CD96: variants seen among roughly 807,000 people sequenced by gnomAD.
CD96 encodes T-cell surface protein tactile.
A neutral mutation model predicts 71.3 loss-of-function variants in CD96; 70 were observed. The ratio of observed to expected loss-of-function variants is 0.98; its 90% CI spans 0.81 to 1.20. CD96 has a LOEUF of 1.20. CD96 is among the 50% of genes most tolerant of loss of function. The probability of loss-of-function intolerance (pLI) is 0.00; values close to 1 mark genes in which losing one functional copy is unlikely to be tolerated. For synonymous variants in CD96, 248 were observed against 233.0 expected, an observed-to-expected ratio of 1.06 and a Z score of -0.59; for missense variants, 742 against 677.5, an observed-to-expected ratio of 1.10 and a Z score of -1.06.
chr3:111,580,915 C>T (rs1462005458), intron 4 of CD96, among the ~76,000 whole-genome samples: 1 of 152,228 alleles, frequency 6.6e-6, no homozygotes, highest in African/African-American at 2.4e-5. Flanking sequence ...GGCAGCCATC[C>T]TCAATGTAGA....
At chr3:111,548,338 T>C (rs1934520667) in intron 2 of CD96, among the ~76,000 whole-genome samples, 1 of 152,192 alleles carries the variant, frequency 6.6e-6, no homozygotes, top group African/African-American at 2.4e-5. Context: ...AGGATTCTGT[T>C]CTCTTTTCAC....
At chr3:111,580,698 CTT>C (rs571118765) in intron 4 of CD96, among the ~76,000 whole-genome samples, 1 of 152,176 alleles carries the variant, frequency 6.6e-6, no homozygotes, top group South Asian at 2.1e-4. Flanking sequence ...TCCCCCTTCT[CTT>C]TCTCTTCATC....
Position 111,567,638 on chromosome 3 carries a change from A to C in CD96, c.534A>C (p.Ala178=), listed in dbSNP as rs759813586. The change falls in exon 3 of 14, where the codon GCA becomes GCC. Residue 178 remains alanine (A), a synonymous_variant. Transcript: ENST00000352690. The part of the protein sequence containing the change: ...SSKISSEFTY[A]WSVEDNGTQE... ...AAATTTCATCTGAGTTCACCTATGCATGGTCGGTGGTAAGTGTTGCCCTTT... is the reference window on the plus strand; with the variant it reads ...AAATTTCATCTGAGTTCACCTATGCCTGGTCGGTGGTAAGTGTTGCCCTTT... 6.2e-7 allele frequency: 1 copy of C among 1,613,382 alleles called. No individual in the cohort carries two copies. Among genetic ancestry groups the C allele is most frequent in the South Asian group, 1.1e-5 (1 of 91,062 alleles).
intron 12 of CD96, among the ~76,000 whole-genome samples, chr3:111,646,650 T>G (rs1248756432): frequency 1.3e-5 from 2 of 151,900 alleles, no homozygotes; most frequent in Non-Finnish European, 2.9e-5. Context: ...TGGAAAGCAG[T>G]TTGGCTATTG....
intron 10 of CD96, among the ~76,000 whole-genome samples, chr3:111,625,711 A>G (rs1938717742): frequency 6.6e-6 from 1 of 152,214 alleles, no homozygotes; most frequent in Non-Finnish European, 1.5e-5. Flanking sequence ...TGGAGTAGGG[A>G]AGGGCTTAAC....
intron 2 of CD96, among the ~76,000 whole-genome samples, chr3:111,563,303 C>T (rs1242417069): frequency 6.6e-6 from 1 of 152,184 alleles, no homozygotes; most frequent in East Asian, 1.9e-4. Context: ...GTTTTAGGCA[C>T]CTACGAAGTT....
intron 12 of CD96, among the ~76,000 whole-genome samples, chr3:111,639,627 T>C (rs1307901575): frequency 2.6e-5 from 4 of 152,168 alleles, no homozygotes; most frequent in African/African-American, 9.7e-5. Context: ...CAGACTACTA[T>C]AGCTGATGCT....
chr3:111,583,362 G>T (rs1253003472), intron 4 of CD96, among the ~76,000 whole-genome samples: 1 of 152,192 alleles, frequency 6.6e-6, no homozygotes, highest in African/African-American at 2.4e-5. Flanking sequence ...AGTGTCTGCA[G>T]CTTTTTCAGG....
In CD96 at chr3:111,647,423, A is replaced by G. The variant is rs1198581432; in HGVS notation, c.1478-120A>G. On this transcript the variant is annotated intron_variant, in intron 12 of 13. Coordinates refer to ENST00000352690, the MANE Select transcript of CD96 (RefSeq NM_005816.5). ...ACAAGGCTTAGACATGCCCACCTCC[A>G]GAGTATGATCACAGCCAATGTTGAA... The G allele has an allele frequency of 9.9e-6, 9 of 908,570 alleles. No homozygotes were observed. In the East Asian group the frequency reaches 2.3e-4, roughly 23 times the overall value. The allele number at this position is 908,570 out of a possible 1,614,324, so 56.3% of individuals were successfully genotyped here. A position where few individuals can be genotyped will look rare whatever the true frequency, so the allele number is the denominator to read the frequency against.
intron 3 of CD96, among the ~76,000 whole-genome samples, chr3:111,571,691 A>G (rs1935992346): frequency 6.6e-6 from 1 of 152,170 alleles, no homozygotes; most frequent in South Asian, 2.1e-4. Flanking sequence ...TTCAAAGGGA[A>G]CATGGTGTTG....
At position 111,579,160 on chromosome 3, in the gene CD96, G is replaced by A; in HGVS notation, c.677G>A (p.Gly226Glu). 1 of 1,609,868 alleles carries A rather than the reference G, an allele frequency of 6.2e-7. No individual in the cohort carries two copies. The highest frequency in any genetic ancestry group is 2.2e-5 in the East Asian group (1 of 44,852). ...TCTCCAGTCCAAATCTTCGATGATG[G>A]GCGGAAGTTCTCTTGCCACATTAGA... ...HLSPVQIFDD[G>E]RKFSCHIRVG... Residue 226 changes from glycine (G) to glutamate (E), a missense_variant, in exon 4 of 14, where the codon GGG (glycine) becomes GAG (glutamate). Transcript: ENST00000352690.
intron 4 of CD96, chr3:111,579,443 C>T: frequency 3.1e-6 from 2 of 637,854 alleles, no homozygotes; most frequent in Non-Finnish European, 5.8e-6. Context: ...AGAATAAAAT[C>T]ATACAGAAGC....
At chr3:111,583,047 G>A (rs1473032255) in intron 4 of CD96, among the ~76,000 whole-genome samples, 2 of 152,210 alleles carry the variant, frequency 1.3e-5, no homozygotes, top group Admixed American at 6.5e-5. Flanking sequence ...TTCTGCCTAT[G>A]AGCCTGTAAA....
chr3:111,664,087 G>T (rs186935626), intron 14 of CD96, among the ~76,000 whole-genome samples: 1 of 152,154 alleles, frequency 6.6e-6, no homozygotes, highest in African/African-American at 2.4e-5. Context: ...GTTAGTCACC[G>T]TGGAAAGCAG....
downstream of CD96, among the ~76,000 whole-genome samples, chr3:111,653,135 A>T (rs546736621): frequency 6.6e-6 from 1 of 152,268 alleles, no homozygotes; most frequent in African/African-American, 2.4e-5. Context: ...AAGTACTTCT[A>T]TGATTGGATT....
chr3:111,638,139 C>G lies in CD96; in HGVS notation c.1448C>G (p.Ser483Cys), dbSNP rs751787928. The G allele has an allele frequency of 1.1e-5, 18 of 1,607,348 alleles. No individual in the cohort carries two copies. The highest frequency in any genetic ancestry group is 1.4e-5 in the Non-Finnish European group (17 of 1,174,016). ...GAAGTCCCCACAACTGCCAATGGAT[C>G]TACGAAAACTAATCACGTCCATATC... is the stretch of plus-strand genomic sequence containing the variant. ...FSEVPTTANG[S>C]TKTNHVHITG... Residue 483 changes from serine (S) to cysteine (C), a missense_variant, in exon 12 of 14, where the codon TCT becomes TGT. Coordinates refer to ENST00000352690, the MANE Select transcript of CD96 (RefSeq NM_005816.5).
chr3:111,657,519 A>G lies in CD96; in HGVS notation c.*52+7661A>G, dbSNP rs112541299. Among the ~76,000 whole-genome samples the G allele has an allele frequency of 6.7e-3, 1,013 of 152,106 alleles. 19 individuals carry two copies. Among genetic ancestry groups the G allele is most frequent in the African/African-American group, 0.023 (958 of 41,518 alleles). On this transcript the variant is annotated intron_variant and NMD_transcript_variant, in intron 14 of 14. Coordinates refer to the CD96 transcript ENST00000494798. ...AGGGTGGGGTGGGGGTGGTGGGAAC[A>G]AGGTGAGAATTGTAAGCAAATCTGG...
At chr3:111,646,607 T>C (rs1368178011) in intron 12 of CD96, among the ~76,000 whole-genome samples, 4 of 151,346 alleles carry the variant, frequency 2.6e-5, no homozygotes, top group Non-Finnish European at 5.9e-5. Context: ...GCTTATACAC[T>C]GCCGGTGGGA....
chr3:111,559,131 A>T (rs906630826), intron 2 of CD96, among the ~76,000 whole-genome samples: 30 of 149,696 alleles, frequency 2.0e-4, no homozygotes, highest in Non-Finnish European at 1.9e-4. Context: ...GCGGTCTATC[A>T]ATTTTGTTGA....
Sources: gnomAD v4.1 joint callset for allele counts (sites outside exome capture counted in the v4.1 genomes callset) on GRCh38, gnomAD v4.1.1 for gene constraint, MANE v1.5 for transcripts, NCBI Gene and HGNC (gene_info 2026-07-23, HGNC 2026-07-21) for gene names.